The following PAPOLG variants were observed in gnomAD, a reference collection of about 807,000 sequenced individuals.
PAPOLG encodes the protein PAP-gamma.
PAPOLG carries 40 observed loss-of-function variants against 99.0 expected under a neutral mutation model. That is an observed-to-expected ratio of 0.40 (90% CI 0.31 to 0.53). PAPOLG has a LOEUF of 0.53. Among genes scored for constraint, PAPOLG ranks in the 20% least tolerant of loss-of-function variants. The pLI is 0.41. For synonymous variants in PAPOLG, 310 were observed against 299.3 expected (o/e 1.04, Z -0.37); for missense variants, 675 against 884.1 (o/e 0.76, Z 3.00).
chr2:60,761,352 A>G (rs1670516239), intron 2 of PAPOLG, among the ~76,000 whole-genome samples: 1 of 152,226 alleles, frequency 6.6e-6, no homozygotes, highest in East Asian at 1.9e-4. Flanking sequence ...TAATTAGTCA[A>G]AGACCTATTA....
chr2:60,790,272 T>G (rs1671489538), intron 15 of PAPOLG, among the ~76,000 whole-genome samples: 1 of 152,208 alleles, frequency 6.6e-6, no homozygotes. Context: ...GGCTTAAATT[T>G]TTTAGAAAGG....
chr2:60,795,305 C>G lies in PAPOLG; in HGVS notation c.2112+285C>G. Reference sequence around the variant, plus strand: ...ATCTTTAAAGAAGCAGTTGGATGCTCAGCACATTAATTTCTTACCAAGCAC... The same window carrying G: ...ATCTTTAAAGAAGCAGTTGGATGCTGAGCACATTAATTTCTTACCAAGCAC... On this transcript the variant is annotated intron_variant, in intron 21 of 21. Coordinates refer to ENST00000238714, the MANE Select transcript of PAPOLG (RefSeq NM_022894.4). 3 of 543,460 alleles carry G rather than the reference C, an allele frequency of 5.5e-6. No homozygotes were observed. In the East Asian group the frequency reaches 1.3e-4, roughly 24 times the overall value. 33.7% of individuals were successfully genotyped at this position (543,460 alleles called of 1,614,324 possible).
chr2:60,774,920 A>G, intron 7 of PAPOLG, 114 bp from the exon 8 acceptor site: 1 of 1,496,164 alleles, frequency 6.7e-7, no homozygotes, highest in East Asian at 2.4e-5. Context: ...AATAAGCCCC[A>G]ATGTTTTATT....
chr2:60,790,895 C>G (rs1358488657), intron 15 of PAPOLG, among the ~76,000 whole-genome samples: 1 of 152,088 alleles, frequency 6.6e-6, no homozygotes, highest in Non-Finnish European at 1.5e-5. Flanking sequence ...TCAAGACCAG[C>G]CTGGCCAACA....
At position 60,782,789 on chromosome 2, in the gene PAPOLG, T is replaced by C; in HGVS notation, c.1112+19T>C. 4 of 1,549,774 alleles carry C rather than the reference T, an allele frequency of 2.6e-6. No homozygotes were observed. The highest frequency in any genetic ancestry group is 3.5e-6 in the Non-Finnish European group (4 of 1,157,378). On this transcript the variant is annotated intron_variant, in intron 12 of 21. Transcript: ENST00000238714. ...AGTATAGGTACGTGAAATTTTGTAT[T>C]TTGTATGTATGTGATTTTTTTTTTT...
chr2:60,782,641 A>G (rs769799414), intron 11 of PAPOLG, 45 bp from the exon 12 acceptor site: 1 of 1,383,768 alleles, frequency 7.2e-7, no homozygotes, highest in South Asian at 1.4e-5. Context: ...CCTTTTCAAA[A>G]TCATTCTTCT....
At chr2:60,774,590 G>A (rs1238052576) in intron 7 of PAPOLG, among the ~76,000 whole-genome samples, 2 of 152,032 alleles carry the variant, frequency 1.3e-5, no homozygotes, top group Non-Finnish European at 1.5e-5. Context: ...GGTCTCGAGC[G>A]CCTGACCTCA....
At chr2:60,787,771 G>C in intron 15 of PAPOLG, 151 bp downstream of exon 15, 1 of 1,094,570 alleles carries the variant, frequency 9.1e-7, no homozygotes, top group Non-Finnish European at 1.3e-6. Context: ...CAGGAAAGGA[G>C]CCGGGTGCGG....
intron 7 of PAPOLG, among the ~76,000 whole-genome samples, chr2:60,774,578 C>G (rs1022589262): frequency 2.0e-5 from 3 of 152,166 alleles, no homozygotes; most frequent in African/African-American, 7.2e-5. Context: ...TTTGGCCAGA[C>G]TGGTCTCGAG....
At chr2:60,761,608 G>C in intron 2 of PAPOLG, 133 bp from the exon 3 acceptor site, 1 of 694,472 alleles carries the variant, frequency 1.4e-6, no homozygotes, top group South Asian at 1.9e-5. Flanking sequence ...GTCAGTAGAT[G>C]TGATAGCATT....
At chr2:60,765,388 CT>C (rs945208769) in intron 3 of PAPOLG, among the ~76,000 whole-genome samples, 3 of 129,514 alleles carry the variant, frequency 2.3e-5, no homozygotes, top group Non-Finnish European at 5.1e-5. Flanking sequence ...GCCTATAATT[CT>C]CTTTTTTTTT....
chr2:60,791,585 G>A, intron 15 of PAPOLG, 176 bp from the exon 16 acceptor site: 1 of 587,662 alleles, frequency 1.7e-6, no homozygotes, highest in Non-Finnish European at 2.8e-6. Flanking sequence ...TCATGAATAG[G>A]ATTGTGATGT....
At chr2:60,776,418 A>ATTT (rs70959863) in intron 8 of PAPOLG, among the ~76,000 whole-genome samples, 24 of 85,866 alleles carry the variant, frequency 2.8e-4, no homozygotes, top group Middle Eastern at 6.8e-3. Flanking sequence ...CATTGGCTTC[A>ATTT]TTTTTTTTTT....
chr2:60,774,948 C>T, intron 7 of PAPOLG, 86 bp from the exon 8 acceptor site: 1 of 1,559,408 alleles, frequency 6.4e-7, no homozygotes, highest in Non-Finnish European at 8.6e-7. Context: ...ATATTTTTAG[C>T]ATTCGAGAGT....
intron 1 of PAPOLG, among the ~76,000 whole-genome samples, chr2:60,759,166 C>G (rs773550682): frequency 7.2e-5 from 11 of 152,108 alleles, no homozygotes; most frequent in Non-Finnish European, 1.2e-4. Flanking sequence ...GTCAGGAGTT[C>G]GAGACCAGCC....
At chr2:60,758,200 G>A (rs1372740574) in intron 1 of PAPOLG, among the ~76,000 whole-genome samples, 1 of 151,970 alleles carries the variant, frequency 6.6e-6, no homozygotes, top group Non-Finnish European at 1.5e-5. Flanking sequence ...CACTGCTCTA[G>A]CTTTCTCAGA....
chr2:60,787,476 ATAAT>A (rs779124772), intron 14 of PAPOLG, 31 bp from the exon 15 acceptor site: 90 of 1,570,200 alleles, frequency 5.7e-5, no homozygotes, highest in Non-Finnish European at 7.4e-5. Context: ...AAAAATAATA[ATAAT>A]TAATGGAAAT....
intron 7 of PAPOLG, among the ~76,000 whole-genome samples, chr2:60,772,386 G>A (rs1205360242): frequency 1.3e-5 from 2 of 151,330 alleles, no homozygotes; most frequent in Admixed American, 1.3e-4. Context: ...GGTGGAGGCT[G>A]CAGTGAGCCG....
intron 17 of PAPOLG, among the ~76,000 whole-genome samples, chr2:60,793,004 C>T (rs1414279961): frequency 6.6e-6 from 1 of 151,604 alleles, no homozygotes; most frequent in Non-Finnish European, 1.5e-5. Flanking sequence ...CCATTGCACT[C>T]CAGCCTAGGC....
Sources: gnomAD v4.1 joint callset for allele counts (sites outside exome capture counted in the v4.1 genomes callset) on GRCh38, gnomAD v4.1.1 for gene constraint, MANE v1.5 for transcripts, NCBI Gene and HGNC (gene_info 2026-07-23, HGNC 2026-07-21) for gene names.